Variants in ABCG1 observed in about 807,000 individuals in gnomAD.
ABCG1 encodes the protein ATP binding cassette subfamily G member 1.
ABCG1 carries 29 observed loss-of-function variants against 69.2 expected under a neutral mutation model. The observed-to-expected ratio is 0.42, with a 90% CI of 0.31 to 0.57. ABCG1 has a LOEUF of 0.57. ABCG1 is among the 20% of genes least tolerant of loss of function. ABCG1 has a pLI of 0.15. For synonymous variants in ABCG1, 370 were observed against 374.8 expected, an observed-to-expected ratio of 0.99 and a Z score of 0.15; for missense variants, 718 against 898.1, an observed-to-expected ratio of 0.80 and a Z score of 2.56.
intron 2 of ABCG1, among the ~76,000 whole-genome samples, chr21:42,255,198 C>A (rs1193999144): frequency 1.3e-5 from 2 of 152,214 alleles, no homozygotes; most frequent in Admixed American, 6.5e-5. Context: ...GGGGCAGGGC[C>A]CCGTTGCTAG....
rs568762226 is a variant in ABCG1, at chr21:42,233,996, C to T, written c.286+8082C>T. On this transcript the variant is annotated intron_variant, in intron 2 of 14. Coordinates refer to ENST00000398449, the MANE Select transcript of ABCG1 (RefSeq NM_016818.3). ...TTATGGGATTTCTCAGTTGTTATTT[C>T]TCTCCTCCCACTGTTTTGGGAGAAG... is the stretch of plus-strand genomic sequence containing the variant. Among the ~76,000 whole-genome samples, 54 of 151,626 alleles carry T rather than the reference C, an allele frequency of 3.6e-4. 1 individual carries two copies. In the South Asian group the frequency reaches 0.011, roughly 31 times the overall value.
chr21:42,248,585 T>C (rs935242938), intron 2 of ABCG1, among the ~76,000 whole-genome samples: 2 of 152,092 alleles, frequency 1.3e-5, no homozygotes, highest in Middle Eastern at 3.2e-3. Context: ...AAATGCTCAT[T>C]GAAAGAAGAG....
chr21:42,282,172 T>C, intron 5 of ABCG1, 102 bp from the exon 6 acceptor site: 1 of 1,502,908 alleles, frequency 6.7e-7, no homozygotes, highest in Admixed American at 1.8e-5. Context: ...GCACGGTGTG[T>C]CCAGCAGGCT....
intron 1 of ABCG1, among the ~76,000 whole-genome samples, chr21:42,225,328 G>A (rs951019669): frequency 1.3e-5 from 2 of 152,112 alleles, no homozygotes; most frequent in African/African-American, 4.8e-5. Flanking sequence ...TTAAAATGAG[G>A]GGACTGTAAA....
chr21:42,284,942 C>T (rs1340866485), intron 7 of ABCG1, among the ~76,000 whole-genome samples: 7 of 152,142 alleles, frequency 4.6e-5, no homozygotes, highest in Admixed American at 2.6e-4. Flanking sequence ...TCTGTTAGCT[C>T]GTGGGGTGTC....
chr21:42,280,497 C>T (rs2068789014), intron 5 of ABCG1, among the ~76,000 whole-genome samples: 1 of 152,238 alleles, frequency 6.6e-6, no homozygotes, highest in Non-Finnish European at 1.5e-5. Context: ...GCTGGAGCTA[C>T]AAGTGGCCTT....
In ABCG1 at chr21:42,219,391, A is replaced by G; in HGVS notation, c.42+87A>G. On this transcript the variant is annotated intron_variant, in intron 1 of 14. Coordinates refer to ENST00000398449, the MANE Select transcript of ABCG1 (RefSeq NM_016818.3). This position sits in a 1 kb window ranked among gnomAD's most constrained non-coding sequence, Gnocchi z 5.3. ...CACAAAGACTCGCAAGCTCGACCTG[A>G]CACCCCTCCCAGGAGCGCGTCCTCT... The G allele has an allele frequency of 6.5e-7, 1 of 1,530,756 alleles. No homozygotes were observed. The highest frequency in any genetic ancestry group is 1.2e-5 in the South Asian group (1 of 84,336). The allele number at this position is 1,530,756 out of a possible 1,614,324, so 94.8% of individuals were successfully genotyped here.
intron 2 of ABCG1, among the ~76,000 whole-genome samples, chr21:42,252,653 C>G (rs2068241466): frequency 6.6e-6 from 1 of 152,154 alleles, no homozygotes; most frequent in Non-Finnish European, 1.5e-5. Flanking sequence ...CCAAATAAAC[C>G]TTTAATCACA....
At position 42,225,699 on chromosome 21, in the gene ABCG1, C is replaced by T. The variant is rs144780823; in HGVS notation, c.71C>T (p.Thr24Met). 1.4e-4 allele frequency: 222 copies of T among 1,613,202 alleles called. No individual in the cohort carries two copies. The African/African-American group carries it at 1.9e-3, about 14-fold the overall frequency. The stretch of plus-strand genomic sequence containing the variant: ...GCCAGCAGTTACTCTGCAGAGATGA[C>T]GGAGCCCAAGTCGGTGTGTGTCTCG... ...MNASSYSAEM[T>M]EPKSVCVSVD... Residue 24 changes from threonine (T) to methionine (M), a missense_variant, in exon 2 of 15, where the codon ACG becomes ATG. This residue lies in a region of ABCG1 where 514 missense variants were observed against 574.3 expected (regional missense o/e 0.90). Transcript: ENST00000398449.
chr21:42,270,801 C>A (rs1385632541), intron 2 of ABCG1, among the ~76,000 whole-genome samples: 1 of 152,098 alleles, frequency 6.6e-6, no homozygotes, highest in Non-Finnish European at 1.5e-5. Flanking sequence ...ATAGACTAGA[C>A]AATGAGTGGG....
intron 2 of ABCG1, among the ~76,000 whole-genome samples, chr21:42,267,709 A>G (rs1314937676): frequency 0.05 from 2,136 of 42,834 alleles, no homozygotes; most frequent in Middle Eastern, 0.083. Context: ...GTCTGGTCTG[A>G]GTTCTATCTG....
intron 2 of ABCG1, among the ~76,000 whole-genome samples, chr21:42,245,591 C>G (rs2068119904): frequency 6.6e-6 from 1 of 152,162 alleles, no homozygotes; most frequent in Non-Finnish European, 1.5e-5. Flanking sequence ...ACAGGAGAGA[C>G]AGGACTGAGC....
chr21:42,257,423 T>TGTATGATACA (rs1199193971), intron 2 of ABCG1, among the ~76,000 whole-genome samples: 1 of 152,234 alleles, frequency 6.6e-6, no homozygotes, highest in African/African-American at 2.4e-5. Flanking sequence ...GATACAGGAC[T>TGTATGATACA]GGTGACTACA....
chr21:42,216,252 C>T (rs575214231), upstream of ABCG1: 28 of 391,792 alleles, frequency 7.1e-5, no homozygotes, highest in Admixed American at 4.0e-4. Flanking sequence ...TTATCGGCAG[C>T]GTGAAAATGG....
intron 2 of ABCG1, among the ~76,000 whole-genome samples, chr21:42,208,367 G>A (rs1299216378): frequency 6.6e-6 from 1 of 152,124 alleles, no homozygotes; most frequent in Non-Finnish European, 1.5e-5. Context: ...ACCCTGGATG[G>A]TTTGCCTTCC....
chr21:42,294,926 A>T (rs970469430), intron 14 of ABCG1: 12 of 424,014 alleles, frequency 2.8e-5, no homozygotes, highest in Non-Finnish European at 4.8e-5. Flanking sequence ...GACGTTGCCG[A>T]GAGCTGCCTT....
intron 5 of ABCG1, among the ~76,000 whole-genome samples, chr21:42,281,027 G>T (rs146626751): frequency 6.6e-6 from 1 of 152,380 alleles, no homozygotes; most frequent in African/African-American, 2.4e-5. Flanking sequence ...TTCAGGACAG[G>T]GCTGGAGCCC....
In ABCG1 at chr21:42,273,486, C is replaced by A; in HGVS notation, c.537+51C>A. On this transcript the variant is annotated intron_variant, in intron 4 of 14. Coordinates refer to ENST00000398449, the MANE Select transcript of ABCG1 (RefSeq NM_016818.3). This position sits in a 1 kb window ranked among gnomAD's most constrained non-coding sequence, Gnocchi z 5.3. ...CTCCGCCCCTGCCGCCTGTCCCCAGCGCCCACATTAGACACAGCACTGGCC... is the reference window on the plus strand; with the variant it reads ...CTCCGCCCCTGCCGCCTGTCCCCAGAGCCCACATTAGACACAGCACTGGCC... The A allele has an allele frequency of 6.3e-7, 1 of 1,585,956 alleles. No individual in the cohort carries two copies. The highest frequency in any genetic ancestry group is 8.6e-7 in the Non-Finnish European group (1 of 1,165,072).
intron 7 of ABCG1, 131 bp from the exon 8 acceptor site, chr21:42,285,749 G>C: frequency 1.4e-6 from 1 of 706,166 alleles, no homozygotes; most frequent in Non-Finnish European, 2.6e-6. Context: ...AAGCTCTCAG[G>C]AGAGGAAGTG....
Sources: gnomAD v4.1 joint callset for allele counts (sites outside exome capture counted in the v4.1 genomes callset) on GRCh38, gnomAD v4.1.1 for gene constraint, gnomAD v4.1.1 regional missense constraint, Gnocchi (gnomAD v3.1) non-coding constraint, MANE v1.5 for transcripts, NCBI Gene and HGNC (gene_info 2026-07-23, HGNC 2026-07-21) for gene names.